TDRD6: variants seen among roughly 807,000 people sequenced by gnomAD.
TDRD6 encodes tudor domain containing 6, also known as tudor domain-containing protein 6.
TDRD6 carries 186 observed loss-of-function variants against 157.5 expected under a neutral mutation model. The ratio of observed to expected loss-of-function variants is 1.18; its 90% CI spans 1.05 to 1.33. The LOEUF is 1.33. Ranked by LOEUF, TDRD6 falls within the 40% of genes most tolerant of loss-of-function variation. The pLI is 0.00. For synonymous variants in TDRD6, 1,075 were observed against 945.2 expected (o/e 1.14, Z -2.52); for missense variants, 3,066 against 2,508.0 (o/e 1.22, Z -4.75).
chr6:46,686,756 C>T (rs916859091), upstream of TDRD6, among the ~76,000 whole-genome samples: 4 of 152,136 alleles, frequency 2.6e-5, no homozygotes, highest in African/African-American at 7.2e-5. Context: ...AGCTAGATTC[C>T]GAGAATCCAA....
At position 46,689,559 on chromosome 6, in the gene TDRD6, C is replaced by G. The variant is rs1369337098; in HGVS notation, c.1431C>G (p.Ala477=). The G allele has an allele frequency of 6.2e-7, 1 of 1,614,150 alleles. No homozygotes were observed. Among genetic ancestry groups the G allele is most frequent in the Admixed American group, 1.7e-5 (1 of 60,024 alleles). The stretch of plus-strand genomic sequence containing the variant: ...TAGATGAAGAGATTTCACTCCCAGC[C>G]TTAAGATCTATCAGGTTAAAGATGA... ...EEVDEEISLP[A]LRSIRLKMNA... Residue 477 remains alanine (A), a synonymous_variant, in exon 1 of 4, where the codon GCC becomes GCG. Coordinates refer to ENST00000316081, the MANE Select transcript of TDRD6 (RefSeq NM_001010870.3).
intron 3 of TDRD6, chr6:46,701,114 C>T (rs1251704202): frequency 2.7e-6 from 1 of 377,104 alleles, no homozygotes; most frequent in East Asian, 9.3e-5. Flanking sequence ...ATTACAATTT[C>T]TTAAAAATAT....
intron 2 of TDRD6, among the ~76,000 whole-genome samples, chr6:46,697,528 A>G (rs1160885240): frequency 6.6e-6 from 1 of 152,172 alleles, no homozygotes; most frequent in Non-Finnish European, 1.5e-5. Flanking sequence ...GGGAAACTGA[A>G]GTAGCATGGA....
In TDRD6 at chr6:46,703,607, C is replaced by T. The variant is rs1764677434; in HGVS notation, c.*1720C>T. The stretch of plus-strand genomic sequence containing the variant: ...ATGAGTGGTATAAATTTTTATGTCC[C>T]CTGGGAAATAAAATCATTTTCCATG... On this transcript the variant is annotated 3_prime_UTR_variant, in exon 4 of 4. Coordinates refer to ENST00000316081, the MANE Select transcript of TDRD6 (RefSeq NM_001010870.3). The T allele has an allele frequency of 6.6e-6, 1 of 151,918 alleles. No individual in the cohort carries two copies. Among genetic ancestry groups the T allele is most frequent in the Admixed American group, 6.6e-5 (1 of 15,240 alleles). The allele number at this position is 151,918 out of a possible 1,614,324, so 9.4% of individuals were successfully genotyped here. A position where few individuals can be genotyped will look rare whatever the true frequency, so the allele number is the denominator to read the frequency against.
intron 3 of TDRD6, among the ~76,000 whole-genome samples, chr6:46,699,606 C>T (rs974670): frequency 0.3 from 46,000 of 151,884 alleles, 8,740 homozygotes; most frequent in East Asian, 0.56. Flanking sequence ...TTGCTGTCTA[C>T]GCTAGCTAGG....
the TDRD6 span, among the ~76,000 whole-genome samples, chr6:46,681,749 G>A: frequency 6.6e-6 from 1 of 152,058 alleles, no homozygotes; most frequent in African/African-American, 2.4e-5. Context: ...GAGTTAAGAA[G>A]GTAATAACAA....
chr6:46,690,069 C>G lies in TDRD6; in HGVS notation c.1941C>G (p.Asp647Glu). Residue 647 changes from aspartate to glutamate, a missense_variant, in exon 1 of 4, where the codon GAC (aspartate) becomes GAG (glutamate). By Grantham distance (45) the Asp-to-Glu change is conservative. Transcript: ENST00000316081. Reference protein sequence around the residue: ...QDHQYVIEILDESRTGEENIS... With the variant: ...QDHQYVIEILEESRTGEENIS... Reference sequence around the variant, plus strand: ...ATCAATATGTTATTGAGATTCTTGACGAATCAAGAACAGGGGAAGAAAACA... The same window carrying G: ...ATCAATATGTTATTGAGATTCTTGAGGAATCAAGAACAGGGGAAGAAAACA... The G allele has an allele frequency of 6.2e-7, 1 of 1,613,916 alleles. No individual in the cohort carries two copies. Among genetic ancestry groups the G allele is most frequent in the Admixed American group, 1.7e-5 (1 of 60,004 alleles).
chr6:46,696,474 G>GTATATATATATATATATATA (rs1286889467), intron 2 of TDRD6, among the ~76,000 whole-genome samples: 3 of 131,522 alleles, frequency 2.3e-5, no homozygotes, highest in African/African-American at 5.8e-5. Flanking sequence ...GTATATGTGT[G>GTATATATATATATATATATA]TATATATATA....
chr6:46,688,702 C>T lies in TDRD6; in HGVS notation c.574C>T (p.Arg192Trp), dbSNP rs572687262. The change falls in exon 1 of 4, where the codon CGG (arginine) becomes TGG (tryptophan). Residue 192 changes from arginine (R) to tryptophan (W), a missense_variant. Physicochemically the swap from Arg to Trp is moderately radical, Grantham distance 101 (BLOSUM62 -3). Coordinates refer to ENST00000316081, the MANE Select transcript of TDRD6 (RefSeq NM_001010870.3). ...GGTGCCTGATGTGTTCCAACAGATG[C>T]GGGAGCTGGGCCTGGCTCGGCGGGT... is the stretch of plus-strand genomic sequence containing the variant. Reference protein sequence around the residue: ...LEVPDVFQQMRELGLARRVPD... With the variant: ...LEVPDVFQQMWELGLARRVPD... 1 of 1,600,770 alleles carries T rather than the reference C, an allele frequency of 6.2e-7. No individual in the cohort carries two copies. The highest frequency in any genetic ancestry group is 8.5e-7 in the Non-Finnish European group (1 of 1,179,650).
chr6:46,684,762 G>C (rs545636272), upstream of TDRD6, among the ~76,000 whole-genome samples: 2 of 152,054 alleles, frequency 1.3e-5, no homozygotes, highest in Admixed American at 6.6e-5. Flanking sequence ...ACCCATCGAA[G>C]GGCATTTAGG....
At chr6:46,686,941 AT>A (rs2150673835), upstream of TDRD6, among the ~76,000 whole-genome samples, 1 of 152,360 alleles carries the variant, frequency 6.6e-6, no homozygotes, top group African/African-American at 2.4e-5. Flanking sequence ...GGCCAGGGTC[AT>A]TTGAAGCACT....
chr6:46,690,751 G>A lies in TDRD6; in HGVS notation c.2623G>A (p.Val875Ile). 1 of 1,614,146 alleles carries A rather than the reference G, an allele frequency of 6.2e-7. No homozygotes were observed. Among genetic ancestry groups the A allele is most frequent in the Non-Finnish European group, 8.5e-7 (1 of 1,180,002 alleles). The stretch of plus-strand genomic sequence containing the variant: ...TTCAATTAGTGAAGAATTTCTGAAG[G>A]TTAAGGCACAGGCTTTTAGGTGCAG... The part of the protein sequence containing the change: ...IYSISEEFLK[V>I]KAQAFRCSLY... The change falls in exon 1 of 4, where the codon GTT becomes ATT. Residue 875 changes from valine (V) to isoleucine (I), a missense_variant. By Grantham distance (29) the Val-to-Ile change is conservative. Transcript: ENST00000316081.
chr6:46,696,902 C>T (rs559046077), intron 2 of TDRD6, among the ~76,000 whole-genome samples: 71 of 151,958 alleles, frequency 4.7e-4, no homozygotes, highest in African/African-American at 1.5e-3. Context: ...TGAGCCACTG[C>T]GCCCGGCTGT....
At chr6:46,686,236 T>C (rs1335852093), upstream of TDRD6, among the ~76,000 whole-genome samples, 1 of 152,206 alleles carries the variant, frequency 6.6e-6, no homozygotes, top group African/African-American at 2.4e-5. Context: ...GTCTCCATTA[T>C]TCCATGTAAT....
rs138425559 is a variant in TDRD6 at position 46,691,315 on chromosome 6, T to G, written c.3187T>G (p.Phe1063Val). The change falls in exon 1 of 4, where the codon TTC becomes GTC. Residue 1063 changes from phenylalanine to valine, a missense_variant. By Grantham distance (50) the Phe-to-Val change is conservative (BLOSUM62 -1). Coordinates refer to ENST00000316081, the MANE Select transcript of TDRD6 (RefSeq NM_001010870.3). ...IVIEKEPKKV[F>V]FVDFGNIYVV... ...AATAGAGAAAGAGCCAAAGAAAGTC[T>G]TCTTTGTTGATTTTGGGAATATTTA... 2.6e-4 allele frequency: 413 copies of G among 1,614,128 alleles called. No individual in the cohort carries two copies. Among genetic ancestry groups the G allele is most frequent in the African/African-American group, 1.5e-3 (112 of 75,060 alleles).
In TDRD6 at chr6:46,692,998, C is replaced by T. The variant is rs1051999334; in HGVS notation, c.4870C>T (p.Leu1624Phe). The T allele has an allele frequency of 2.5e-6, 4 of 1,612,448 alleles. No homozygotes were observed. Among genetic ancestry groups the T allele is most frequent in the Non-Finnish European group, 1.7e-6 (2 of 1,179,150 alleles). Residue 1624 changes from leucine to phenylalanine, a missense_variant, in exon 1 of 4, where the codon CTT becomes TTT. Leu to Phe is a conservative substitution (Grantham distance 22). Transcript: ENST00000316081. The part of the protein sequence containing the change: ...PKALWAIPSE[L>F]LSVPMQAFPC... ...AGCACTCTGGGCCATTCCTTCTGAA[C>T]TTCTGTCGGTTCCCATGCAAGCCTT...
At position 46,689,757 on chromosome 6, in the gene TDRD6, C is replaced by T; in HGVS notation, c.1629C>T (p.Cys543=). The change falls in exon 1 of 4, where the codon TGC becomes TGT. Residue 543 remains cysteine, a synonymous_variant. Transcript: ENST00000316081. ...TGAAACCTGAACCTGATGACCTTTG[C>T]TGTGTCAAGTGGAAAGAAAATGGTT... The part of the protein sequence containing the change: ...VVLKPEPDDL[C]CVKWKENGYY... 1 of 1,614,170 alleles carries T rather than the reference C, an allele frequency of 6.2e-7. No individual in the cohort carries two copies.
rs750393805 is a variant in TDRD6, at chr6:46,691,288, G to C, written c.3160G>C (p.Val1054Leu). The change falls in exon 1 of 4, where the codon GTA becomes CTA. Residue 1054 changes from valine (V) to leucine (L), a missense_variant. By Grantham distance (32) the Val-to-Leu change is conservative (BLOSUM62 1). Transcript: ENST00000316081. ...YTDGNWYRGI[V>L]IEKEPKKVFF... ...TGATGGAAACTGGTATAGGGGCATA[G>C]TAATAGAGAAAGAGCCAAAGAAAGT... is the stretch of plus-strand genomic sequence containing the variant. 4 of 1,613,954 alleles carry C rather than the reference G, an allele frequency of 2.5e-6. No homozygotes were observed. Among genetic ancestry groups the C allele is most frequent in the Non-Finnish European group, 3.4e-6 (4 of 1,179,968 alleles).
chr6:46,683,095 G>A (rs997292890), upstream of TDRD6, among the ~76,000 whole-genome samples: 2 of 151,876 alleles, frequency 1.3e-5, no homozygotes, highest in Non-Finnish European at 2.9e-5. Context: ...TCAAAACAAA[G>A]GGGTATTGGC....
Sources: allele counts gnomAD v4.1 joint callset (sites outside exome capture counted in the v4.1 genomes callset), GRCh38; gene constraint gnomAD v4.1.1; transcripts MANE v1.5; gene names NCBI Gene and HGNC (gene_info 2026-07-23, HGNC 2026-07-21).